Variants in FCHSD2 observed in about 807,000 individuals in gnomAD.
FCHSD2 encodes the protein F-BAR and double SH3 domains protein 2.
A neutral mutation model predicts 108.1 loss-of-function variants in FCHSD2; 38 were observed. The ratio of observed to expected loss-of-function variants is 0.35; its 90% CI spans 0.27 to 0.46. The LOEUF (loss-of-function observed/expected upper bound fraction) is 0.46, where lower values mean the gene tolerates loss of function less well. FCHSD2 is among the 20% of genes least tolerant of loss of function. The pLI is 1.00. For synonymous variants in FCHSD2, 279 were observed against 314.7 expected, an observed-to-expected ratio of 0.89 and a Z score of 1.20; for missense variants, 751 against 897.8, an observed-to-expected ratio of 0.84 and a Z score of 2.09.
intron 2 of FCHSD2, among the ~76,000 whole-genome samples, chr11:73,120,831 CAAA>C (rs753347324): frequency 8.1e-6 from 1 of 123,876 alleles, no homozygotes; most frequent in Non-Finnish European, 1.8e-5. Context: ...GAAGATATAC[CAAA>C]AAAAAAAAAA....
chr11:73,075,227 C>T lies in FCHSD2; in HGVS notation c.165+8468G>A, dbSNP rs563945308. Reference sequence around the variant, plus strand: ...ACAGGATTGTAAATTGCAATAATCACCTGAGAAAACCATTTCATGATATTT... The same window carrying T: ...ACAGGATTGTAAATTGCAATAATCATCTGAGAAAACCATTTCATGATATTT... On this transcript the variant is annotated intron_variant, in intron 3 of 19. Coordinates refer to ENST00000409418, the MANE Select transcript of FCHSD2 (RefSeq NM_014824.3). Among the ~76,000 whole-genome samples the T allele has an allele frequency of 7.2e-5, 11 of 152,252 alleles. No homozygotes were observed. In the East Asian group the frequency reaches 2.1e-3, roughly 29 times the overall value.
At chr11:73,046,206 A>G (rs1176765200) in intron 3 of FCHSD2, among the ~76,000 whole-genome samples, 1 of 152,122 alleles carries the variant, frequency 6.6e-6, no homozygotes, top group Admixed American at 6.6e-5. Context: ...TGCCCAGGCT[A>G]CAATCGAATT....
chr11:73,090,462 T>C (rs1033499432), intron 2 of FCHSD2, among the ~76,000 whole-genome samples: 11 of 152,092 alleles, frequency 7.2e-5, no homozygotes, highest in Non-Finnish European at 1.0e-4. Flanking sequence ...GCTGACCTCG[T>C]GATCCGCCCG....
rs1034137318 is a variant in FCHSD2, at chr11:72,872,719, A to G, written c.1147-4693T>C. ...GTTGGGAGTCATTTAGGTTGTTTCT[A>G]TTTCTTGGCTATTATGAATAATATT... On this transcript the variant is annotated intron_variant, in intron 12 of 19. Transcript: ENST00000409418. Among the ~76,000 whole-genome samples, 36 of 151,964 alleles carry G rather than the reference A, an allele frequency of 2.4e-4. 1 individual carries two copies. Among genetic ancestry groups the G allele is most frequent in the African/African-American group, 8.2e-4 (34 of 41,360 alleles).
intron 8 of FCHSD2, among the ~76,000 whole-genome samples, chr11:72,964,701 T>C (rs1856872452): frequency 6.6e-6 from 1 of 152,192 alleles, no homozygotes; most frequent in Non-Finnish European, 1.5e-5. Flanking sequence ...TTTATGGTAA[T>C]AGCCTTACTG....
intron 2 of FCHSD2, among the ~76,000 whole-genome samples, chr11:73,138,130 T>C (rs188707078): frequency 7.3e-4 from 111 of 152,300 alleles, no homozygotes; most frequent in Non-Finnish European, 7.3e-4. Flanking sequence ...ACAGACTATA[T>C]CAACTTAGCT....
At chr11:73,017,481 T>G (rs964194916) in intron 3 of FCHSD2, among the ~76,000 whole-genome samples, 3 of 152,210 alleles carry the variant, frequency 2.0e-5, no homozygotes, top group African/African-American at 7.2e-5. Context: ...AAATCAACAC[T>G]ACACTCTACA....
intron 8 of FCHSD2, among the ~76,000 whole-genome samples, chr11:72,926,133 T>A (rs1856070723): frequency 6.6e-6 from 1 of 152,158 alleles, no homozygotes; most frequent in South Asian, 2.1e-4. Context: ...GGCAGAGTCC[T>A]GGGCAGAAGA....
chr11:72,970,244 A>T (rs1372385202), intron 8 of FCHSD2, among the ~76,000 whole-genome samples: 2 of 152,184 alleles, frequency 1.3e-5, no homozygotes, highest in Non-Finnish European at 2.9e-5. Context: ...AACAGTGCTC[A>T]CCACCTCAAG....
chr11:73,116,512 T>C (rs1198315654), intron 2 of FCHSD2, among the ~76,000 whole-genome samples: 1 of 152,200 alleles, frequency 6.6e-6, no homozygotes, highest in African/African-American at 2.4e-5. Flanking sequence ...TAGTGCATTA[T>C]CAAAAGTCAT....
intron 4 of FCHSD2, 123 bp downstream of exon 4, chr11:73,015,686 T>A (rs949194642): frequency 9.4e-6 from 5 of 531,646 alleles, no homozygotes; most frequent in South Asian, 3.3e-5. Context: ...TGAAATTATA[T>A]CCGAAAACAC....
rs1555083186 is a variant in FCHSD2, at chr11:73,068,827, A to AAG, written c.165+14867_165+14868insCT. Reference sequence around the variant, plus strand: ...TCTACAAAAAGTAAAAAAAAAAAAAAAAAAAGAAAAAGAAAAAAAAATTAA... The same window carrying AAG: ...TCTACAAAAAGTAAAAAAAAAAAAAAAGAAAAAGAAAAAGAAAAAAAAATTAA... On this transcript the variant is annotated intron_variant, in intron 3 of 19. Coordinates refer to ENST00000409418, the MANE Select transcript of FCHSD2 (RefSeq NM_014824.3). Among the ~76,000 whole-genome samples, 4 of 149,960 alleles carry AAG rather than the reference A, an allele frequency of 2.7e-5. No individual in the cohort carries two copies. In the East Asian group the frequency reaches 7.8e-4, roughly 29 times the overall value.
At chr11:73,044,058 T>C (rs1858700713) in intron 3 of FCHSD2, among the ~76,000 whole-genome samples, 1 of 152,208 alleles carries the variant, frequency 6.6e-6, no homozygotes, top group Non-Finnish European at 1.5e-5. Context: ...CCTATCCAAA[T>C]GAACACAGTA....
chr11:73,122,203 C>A (rs978123462), intron 2 of FCHSD2, among the ~76,000 whole-genome samples: 8 of 151,704 alleles, frequency 5.3e-5, no homozygotes, highest in Non-Finnish European at 1.2e-4. Context: ...AGCTCAAAGC[C>A]AAATCAATAA....
intron 1 of FCHSD2, 45 bp downstream of exon 1, chr11:73,141,812 G>A (rs1181355714): frequency 6.5e-7 from 1 of 1,534,860 alleles, no homozygotes; most frequent in Non-Finnish European, 8.8e-7. Flanking sequence ...CGCGTTCCGC[G>A]TACGCATCTC....
chr11:73,029,172 A>G (rs1858300634), intron 3 of FCHSD2, among the ~76,000 whole-genome samples: 1 of 152,216 alleles, frequency 6.6e-6, no homozygotes, highest in South Asian at 2.1e-4. Context: ...ATCAATTTGC[A>G]TTTTTAAAAG....
chr11:73,019,040 G>A (rs1233196593), intron 3 of FCHSD2, among the ~76,000 whole-genome samples: 1 of 152,026 alleles, frequency 6.6e-6, no homozygotes, highest in Non-Finnish European at 1.5e-5. Context: ...CCAAACAAGT[G>A]GCAAAATGTG....
intron 4 of FCHSD2, among the ~76,000 whole-genome samples, chr11:73,003,263 A>T (rs549470844): frequency 3.9e-4 from 60 of 152,176 alleles, no homozygotes; most frequent in Non-Finnish European, 6.9e-4. Context: ...GCAAATGGAG[A>T]AATAACAAAA....
Position 72,985,099 on chromosome 11 carries a change from A to G in FCHSD2, c.539T>C (p.Phe180Ser). The change falls in exon 7 of 20, where the codon TTT becomes TCT. Residue 180 changes from phenylalanine to serine, a missense_variant. Physicochemically the swap from Phe to Ser is radical, Grantham distance 155. Coordinates refer to ENST00000409418, the MANE Select transcript of FCHSD2 (RefSeq NM_014824.3). ...DIEAKSKLSL[F>S]QSRISLQKAS... is the part of the protein sequence containing the mutation. ...CTTCTGTAAACTGATTCTTGATTGA[A>G]AAAGACTAAGTTTAGATCTATAATA... 1 of 1,227,094 alleles carries G rather than the reference A, an allele frequency of 8.1e-7. No homozygotes were observed. The highest frequency in any genetic ancestry group is 1.2e-6 in the Non-Finnish European group (1 of 855,592). The allele number at this position is 1,227,094 out of a possible 1,614,324, so 76.0% of individuals were successfully genotyped here. A position where few individuals can be genotyped will look rare whatever the true frequency, so the allele number is the denominator to read the frequency against.
Sources: gnomAD v4.1 joint callset for allele counts (sites outside exome capture counted in the v4.1 genomes callset) on GRCh38, gnomAD v4.1.1 for gene constraint, MANE v1.5 for transcripts, NCBI Gene and HGNC (gene_info 2026-07-23, HGNC 2026-07-21) for gene names.